The following PKNOX2 variants were observed in gnomAD, a reference collection of about 807,000 sequenced individuals.
PKNOX2 encodes the protein PBX/knotted 1 homeobox 2, also known as homeobox protein PKNOX2.
A neutral mutation model predicts 53.1 loss-of-function variants in PKNOX2; 14 were observed. The ratio of observed to expected loss-of-function variants is 0.26; its 90% CI spans 0.17 to 0.41. PKNOX2 has a LOEUF of 0.41. Ranked by LOEUF, PKNOX2 falls within the 10% of genes least tolerant of loss-of-function variation. The pLI is 1.00. For synonymous variants in PKNOX2, 257 were observed against 242.8 expected, an observed-to-expected ratio of 1.06 and a Z score of -0.54; for missense variants, 496 against 602.8, an observed-to-expected ratio of 0.82 and a Z score of 1.85.
chr11:125,248,432 G>A (rs747553954), intron 2 of PKNOX2, among the ~76,000 whole-genome samples: 46 of 152,124 alleles, frequency 3.0e-4, no homozygotes, highest in Non-Finnish European at 5.1e-4. Flanking sequence ...AAACAAGATG[G>A]GCCATTGGAA....
chr11:125,229,546 G>T (rs1440702934), intron 1 of PKNOX2, among the ~76,000 whole-genome samples: 1 of 152,184 alleles, frequency 6.6e-6, no homozygotes, highest in African/African-American at 2.4e-5. Context: ...CAGTCAATAA[G>T]GAGTCGTGGA....
At position 125,272,043 on chromosome 11, in the gene PKNOX2, C is replaced by G. The variant is rs987442185; in HGVS notation, c.-130+36928C>G. On this transcript the variant is annotated intron_variant, in intron 2 of 12. Coordinates refer to ENST00000298282, the MANE Select transcript of PKNOX2 (RefSeq NM_001382323.2). ...ACAGAACACTATAAGCCCAGAGCCA[C>G]TCGGTGCCTTTTATTAAACCTGACA... Among the ~76,000 whole-genome samples the G allele has an allele frequency of 2.0e-5, 3 of 152,276 alleles. No individual in the cohort carries two copies. The East Asian group carries it at 5.8e-4, about 29-fold the overall frequency.
chr11:125,207,081 G>A (rs1479296694), intron 1 of PKNOX2, among the ~76,000 whole-genome samples: 5 of 151,728 alleles, frequency 3.3e-5, no homozygotes, highest in Non-Finnish European at 7.4e-5. Context: ...AGAAAGGAGG[G>A]ACTCCAGGGA....
At chr11:125,250,108 G>A (rs1325472722) in intron 2 of PKNOX2, among the ~76,000 whole-genome samples, 1 of 146,914 alleles carries the variant, frequency 6.8e-6, no homozygotes, top group Non-Finnish European at 1.5e-5. Context: ...AGACATGGGA[G>A]TCTCACTATG....
At chr11:125,322,296 G>C (rs932331669) in intron 2 of PKNOX2, among the ~76,000 whole-genome samples, 2 of 152,156 alleles carry the variant, frequency 1.3e-5, no homozygotes, top group Non-Finnish European at 2.9e-5. Context: ...GGGTACTGGA[G>C]AAAAATGGGG....
intron 1 of PKNOX2, among the ~76,000 whole-genome samples, chr11:125,213,848 G>A (rs542431359): frequency 1.3e-5 from 2 of 152,090 alleles, no homozygotes; most frequent in South Asian, 2.1e-4. Context: ...GAGATGGTGC[G>A]CACAGAGGAA....
In PKNOX2 at chr11:125,308,667, G is replaced by A. The variant is rs370036123; in HGVS notation, c.-129-23152G>A. Among the ~76,000 whole-genome samples the A allele has an allele frequency of 3.1e-3, 432 of 141,638 alleles. 1 individual carries two copies. The highest frequency in any genetic ancestry group is 0.019 in the South Asian group (87 of 4,550). 92.9% of individuals were successfully genotyped at this position (141,638 alleles called of 152,430 possible). ...TAATAACCAAGAGCTGGAAGGGGCC[G>A]TGGAGGTCACCTGGTTTAACTGCCG... On this transcript the variant is annotated intron_variant, in intron 2 of 12. Coordinates refer to ENST00000298282, the MANE Select transcript of PKNOX2 (RefSeq NM_001382323.2).
At chr11:125,194,056 G>T (rs1159890140) in intron 1 of PKNOX2, among the ~76,000 whole-genome samples, 2 of 152,210 alleles carry the variant, frequency 1.3e-5, no homozygotes, top group African/African-American at 2.4e-5. Context: ...CCCCGTAGGA[G>T]GGGTAAAGAC....
chr11:125,252,756 C>T (rs1944103298), intron 2 of PKNOX2, among the ~76,000 whole-genome samples: 1 of 152,214 alleles, frequency 6.6e-6, no homozygotes, highest in Non-Finnish European at 1.5e-5. Flanking sequence ...AGCTGGCCAC[C>T]CTGGTCACTG....
intron 5 of PKNOX2, among the ~76,000 whole-genome samples, chr11:125,376,644 C>G (rs931834664): frequency 6.6e-6 from 1 of 152,218 alleles, no homozygotes; most frequent in Admixed American, 6.5e-5. Context: ...TGTCTCAAAA[C>G]CTTCATTCCA....
intron 1 of PKNOX2, among the ~76,000 whole-genome samples, chr11:125,174,255 T>G (rs918090118): frequency 6.6e-6 from 1 of 152,156 alleles, no homozygotes; most frequent in Non-Finnish European, 1.5e-5. Flanking sequence ...TCCCTAAGAA[T>G]CCACCTGTCA....
At chr11:125,265,209 C>A (rs1945223664) in intron 2 of PKNOX2, among the ~76,000 whole-genome samples, 1 of 151,992 alleles carries the variant, frequency 6.6e-6, no homozygotes, top group Non-Finnish European at 1.5e-5. Context: ...TTGCCGTGAA[C>A]CCAGGAAGTG....
At chr11:125,221,940 C>T (rs1941192989) in intron 1 of PKNOX2, among the ~76,000 whole-genome samples, 2 of 152,182 alleles carry the variant, frequency 1.3e-5, no homozygotes, top group South Asian at 4.1e-4. Flanking sequence ...GGTTGCGTAC[C>T]TGAGGCAGAG....
At chr11:125,223,062 G>A (rs77293093) in intron 1 of PKNOX2, among the ~76,000 whole-genome samples, 3,556 of 152,194 alleles carry the variant, frequency 0.023, 148 homozygotes, top group African/African-American at 0.08. Context: ...GTACCCTGAG[G>A]ATGTTGTAAA....
intron 10 of PKNOX2, among the ~76,000 whole-genome samples, chr11:125,421,126 A>G (rs1956146232): frequency 6.6e-6 from 1 of 152,196 alleles, no homozygotes; most frequent in Non-Finnish European, 1.5e-5. Context: ...TGATTTCAGC[A>G]CTAAGGGGGT....
chr11:125,231,764 C>T (rs888914119), intron 1 of PKNOX2, among the ~76,000 whole-genome samples: 11 of 151,994 alleles, frequency 7.2e-5, no homozygotes, highest in African/African-American at 1.7e-4. Flanking sequence ...AATGATGCTC[C>T]GTTTCTCAAA....
rs904916121 is a variant in PKNOX2, at chr11:125,165,966, G to C, written c.-201+1190G>C. Reference sequence around the variant, plus strand: ...GCCGTCCTTTCCCGGGGCTCTTCACGGGGGAGCCGGGGGTTTCCGCGCGGT... The same window carrying C: ...GCCGTCCTTTCCCGGGGCTCTTCACCGGGGAGCCGGGGGTTTCCGCGCGGT... On this transcript the variant is annotated intron_variant, in intron 1 of 12. Transcript: ENST00000298282. The surrounding 1 kb of genome is among the most constrained non-coding windows in gnomAD (Gnocchi z 4.5). Among the ~76,000 whole-genome samples the C allele has an allele frequency of 6.6e-6, 1 of 152,166 alleles. No individual in the cohort carries two copies. The highest frequency in any genetic ancestry group is 2.4e-5 in the African/African-American group (1 of 41,436).
At chr11:125,260,249 A>C (rs1425200131) in intron 2 of PKNOX2, among the ~76,000 whole-genome samples, 1 of 151,962 alleles carries the variant, frequency 6.6e-6, no homozygotes, top group African/African-American at 2.4e-5. Context: ...CCCAGGCTGG[A>C]GTGTAGTGGC....
intron 1 of PKNOX2, chr11:125,184,233 G>A (rs1354494212): frequency 2.6e-5 from 4 of 152,334 alleles, no homozygotes; most frequent in Non-Finnish European, 4.4e-5. Context: ...TCAGAGGAAG[G>A]ACAGACTGAG....
Sources: allele counts gnomAD v4.1 joint callset (sites outside exome capture counted in the v4.1 genomes callset), GRCh38; gene constraint gnomAD v4.1.1; non-coding constraint Gnocchi (gnomAD v3.1); transcripts MANE v1.5; gene names NCBI Gene and HGNC (gene_info 2026-07-23, HGNC 2026-07-21).